Variants in TCERG1L observed in about 807,000 individuals in gnomAD.
The protein encoded by TCERG1L is transcription elongation regulator 1-like protein.
TCERG1L carries 37 observed loss-of-function variants against 56.3 expected under a neutral mutation model. The observed-to-expected ratio is 0.66, with a 90% CI of 0.51 to 0.87. The LOEUF (loss-of-function observed/expected upper bound fraction) is 0.87, where lower values mean the gene tolerates loss of function less well. TCERG1L is among the 40% of genes least tolerant of loss of function. TCERG1L has a pLI of 0.00. For missense variants in TCERG1L, 799 were observed against 774.2 expected, an observed-to-expected ratio of 1.03 and a Z score of -0.38; for synonymous variants, 324 against 326.3, an observed-to-expected ratio of 0.99 and a Z score of 0.08.
At chr10:131,137,747 GGCAAA>G (rs1845691891) in intron 7 of TCERG1L, among the ~76,000 whole-genome samples, 1 of 152,102 alleles carries the variant, frequency 6.6e-6, no homozygotes, top group Admixed American at 6.5e-5. Flanking sequence ...TTTCAACATG[GGCAAA>G]GCTTTCCTAA....
intron 4 of TCERG1L, among the ~76,000 whole-genome samples, chr10:131,253,366 G>A (rs1734198544): frequency 6.6e-6 from 1 of 151,386 alleles, no homozygotes; most frequent in South Asian, 2.1e-4. Flanking sequence ...CTGGTCTTCA[G>A]TGGCCTTCGA....
intron 3 of TCERG1L, among the ~76,000 whole-genome samples, chr10:131,284,058 C>A (rs538599101): frequency 1.4e-5 from 2 of 147,442 alleles, no homozygotes; most frequent in South Asian, 4.3e-4. Context: ...ACCCAGGGGG[C>A]GAGGCTGCAG....
chr10:131,144,797 C>G (rs1001204477), intron 7 of TCERG1L, among the ~76,000 whole-genome samples: 5 of 152,132 alleles, frequency 3.3e-5, no homozygotes, highest in Non-Finnish European at 7.3e-5. Flanking sequence ...TAACTCTCTA[C>G]CTTTCAGAGT....
At chr10:131,309,853 A>AAAAAAAAAAAAAAAAAG (rs1846863740) in intron 1 of TCERG1L, among the ~76,000 whole-genome samples, 1 of 149,708 alleles carries the variant, frequency 6.7e-6, no homozygotes, top group Non-Finnish European at 1.5e-5. Flanking sequence ...AAAAAAAAAA[A>AAAAAAAAAAAAAAAAAG]AAAAAACTAA....
rs1052283054 is a variant in TCERG1L at position 131,118,939 on chromosome 10, C to T, written c.1260-2005G>A. ...TTACCAGCACCTGGGAGTGGAGAGC[C>T]GGGATGCTGTGAAATGTCCTGCAAT... is the stretch of plus-strand genomic sequence containing the variant. On this transcript the variant is annotated intron_variant, in intron 8 of 11. Transcript: ENST00000368642. This position sits in a 1 kb window ranked among gnomAD's most constrained non-coding sequence, Gnocchi z 4.2. Among the ~76,000 whole-genome samples, 6 of 152,230 alleles carry T rather than the reference C, an allele frequency of 3.9e-5. No homozygotes were observed. The highest frequency in any genetic ancestry group is 3.4e-3 in the Middle Eastern group (1 of 294).
intron 3 of TCERG1L, among the ~76,000 whole-genome samples, chr10:131,272,409 G>T (rs1476055986): frequency 6.6e-6 from 1 of 152,228 alleles, no homozygotes; most frequent in Non-Finnish European, 1.5e-5. Context: ...TGCTATAGTT[G>T]CAAGTTTTGA....
At chr10:131,151,879 G>C (rs12260871) in intron 6 of TCERG1L, among the ~76,000 whole-genome samples, 31,143 of 152,166 alleles carry the variant, frequency 0.2, 3,569 homozygotes, top group South Asian at 0.37. Flanking sequence ...TGTGTACCCA[G>C]AGGCTCAACA....
intron 4 of TCERG1L, among the ~76,000 whole-genome samples, chr10:131,184,709 C>A (rs374709786): frequency 5.3e-5 from 8 of 152,188 alleles, no homozygotes; most frequent in African/African-American, 1.9e-4. Context: ...GAGCTCCAGG[C>A]ACCGAGCAAG....
intron 8 of TCERG1L, among the ~76,000 whole-genome samples, chr10:131,129,475 C>T (rs1048402570): frequency 6.6e-6 from 1 of 152,128 alleles, no homozygotes; most frequent in Non-Finnish European, 1.5e-5. Context: ...TGCGTGGAGG[C>T]GAACTGTGTT....
At chr10:131,227,841 C>T in intron 4 of TCERG1L, among the ~76,000 whole-genome samples, 1 of 119,366 alleles carries the variant, frequency 8.4e-6, no homozygotes, top group South Asian at 2.4e-4. Context: ...GAACCCCTTC[C>T]CGTGGTCTCT....
chr10:131,226,057 C>A (rs763287700), intron 4 of TCERG1L, among the ~76,000 whole-genome samples: 4 of 152,150 alleles, frequency 2.6e-5, no homozygotes, highest in Non-Finnish European at 4.4e-5. Flanking sequence ...CCAGCCTCAG[C>A]CTTCTGAGTA....
rs369095710 is a variant in TCERG1L at position 131,111,370 on chromosome 10, A to G, written c.1395+5429T>C. ...GCTGGGTCATACAGGGCCCCCAAAC[A>G]TGGCGAACTTCCATCTCAAACACAA... On this transcript the variant is annotated intron_variant, in intron 9 of 11. Transcript: ENST00000368642. Among the ~76,000 whole-genome samples, 37 of 142,650 alleles carry G rather than the reference A, an allele frequency of 2.6e-4. 5 individuals are homozygous for G. The highest frequency in any genetic ancestry group is 6.4e-4 in the African/African-American group (26 of 40,534). 93.6% of individuals were successfully genotyped at this position (142,650 alleles called of 152,430 possible).
intron 3 of TCERG1L, among the ~76,000 whole-genome samples, chr10:131,261,100 G>GT (rs2133543972): frequency 6.6e-6 from 1 of 152,328 alleles, no homozygotes; most frequent in East Asian, 1.9e-4. Context: ...CCAGCTCAGC[G>GT]TGGGTCGCTC....
chr10:131,148,693 G>A (rs181653125), intron 6 of TCERG1L, among the ~76,000 whole-genome samples: 1 of 152,280 alleles, frequency 6.6e-6, no homozygotes, highest in East Asian at 1.9e-4. Context: ...AAGGAATCAC[G>A]AGCTCAGGGT....
chr10:131,217,824 C>A (rs1161872636), intron 4 of TCERG1L, among the ~76,000 whole-genome samples: 1 of 150,258 alleles, frequency 6.7e-6, no homozygotes, highest in Non-Finnish European at 1.5e-5. Flanking sequence ...CAGGTTCACA[C>A]CATTCTCCTG....
At chr10:131,190,135 C>T (rs1398934705) in intron 4 of TCERG1L, among the ~76,000 whole-genome samples, 2 of 152,074 alleles carry the variant, frequency 1.3e-5, no homozygotes, top group African/African-American at 4.8e-5. Context: ...ATTTGAGACT[C>T]CTATAAACAT....
intron 5 of TCERG1L, 113 bp from the exon 6 acceptor site, chr10:131,163,323 G>T: frequency 1.2e-6 from 1 of 836,650 alleles, no homozygotes; most frequent in Non-Finnish European, 1.8e-6. Flanking sequence ...GCTTATAGTA[G>T]CCACGAGATA....
chr10:131,224,967 G>A (rs369241650), intron 4 of TCERG1L, among the ~76,000 whole-genome samples: 9 of 152,220 alleles, frequency 5.9e-5, no homozygotes, highest in African/African-American at 1.7e-4. Context: ...CATGACCATC[G>A]GCCCGCAGTG....
Position 131,218,268 on chromosome 10 carries a change from C to T in TCERG1L, c.856+41991G>A, listed in dbSNP as rs558666800. Among the ~76,000 whole-genome samples the T allele has an allele frequency of 1.4e-4, 21 of 152,278 alleles. No homozygotes were observed. In the East Asian group the frequency reaches 3.9e-3, roughly 28 times the overall value. On this transcript the variant is annotated intron_variant, in intron 4 of 11. Transcript: ENST00000368642. ...TGTAAGAAAGCACCAATACATCTAA[C>T]CGATACGTGCATGACATGGATAGAA... is the stretch of plus-strand genomic sequence containing the variant.
Sources: allele counts gnomAD v4.1 joint callset (sites outside exome capture counted in the v4.1 genomes callset), GRCh38; gene constraint gnomAD v4.1.1; non-coding constraint Gnocchi (gnomAD v3.1); transcripts MANE v1.5; gene names NCBI Gene and HGNC (gene_info 2026-07-23, HGNC 2026-07-21).